The following PTPRD variants were observed in gnomAD, a reference collection of about 807,000 sequenced individuals.
The protein encoded by PTPRD is receptor-type tyrosine-protein phosphatase delta.
A neutral mutation model predicts 214.5 loss-of-function variants in PTPRD; 34 were observed. The ratio of observed to expected loss-of-function variants is 0.16; its 90% CI spans 0.12 to 0.21. The LOEUF (loss-of-function observed/expected upper bound fraction) is 0.21. Among genes scored for constraint, PTPRD ranks in the 10% least tolerant of loss-of-function variants. PTPRD has a pLI of 1.00. For synonymous variants in PTPRD, 1,128 were observed against 845.7 expected, an observed-to-expected ratio of 1.33 and a Z score of -5.79; for missense variants, 2,545 against 2,398.7, an observed-to-expected ratio of 1.06 and a Z score of -1.27.
At chr9:9,309,788 C>A (rs774702177) in intron 9 of PTPRD, among the ~76,000 whole-genome samples, 1 of 152,138 alleles carries the variant, frequency 6.6e-6, no homozygotes. Context: ...ATTTCACTAT[C>A]GTATTTGTTA....
intron 9 of PTPRD, among the ~76,000 whole-genome samples, chr9:9,249,487 G>C (rs1217684486): frequency 6.6e-6 from 1 of 152,042 alleles, no homozygotes; most frequent in Non-Finnish European, 1.5e-5. Flanking sequence ...AAAAAAATTT[G>C]TCTTGACCAA....
At chr9:8,431,636 G>A (rs936451118) in intron 35 of PTPRD, among the ~76,000 whole-genome samples, 3 of 152,268 alleles carry the variant, frequency 2.0e-5, no homozygotes, top group Middle Eastern at 3.4e-3. Context: ...GTCATGTTCT[G>A]TAATACATTA....
chr9:9,468,528 AT>A (rs1161201195), intron 8 of PTPRD, among the ~76,000 whole-genome samples: 1 of 151,940 alleles, frequency 6.6e-6, no homozygotes, highest in African/African-American at 2.4e-5. Flanking sequence ...CTTAGCTACT[AT>A]TCTTTTTCTA....
chr9:10,271,673 G>T (rs1346644465), intron 3 of PTPRD, among the ~76,000 whole-genome samples: 1 of 151,730 alleles, frequency 6.6e-6, no homozygotes, highest in Non-Finnish European at 1.5e-5. Context: ...CTCCTGAGTA[G>T]CTGGCATTAT....
chr9:9,296,103 C>T (rs1952925204), intron 9 of PTPRD, among the ~76,000 whole-genome samples: 1 of 151,640 alleles, frequency 6.6e-6, no homozygotes, highest in African/African-American at 2.4e-5. Flanking sequence ...ATTAAACTAC[C>T]AATCATGGCC....
At chr9:8,718,653 T>C (rs2098461629) in intron 12 of PTPRD, among the ~76,000 whole-genome samples, 1 of 152,192 alleles carries the variant, frequency 6.6e-6, no homozygotes, top group Admixed American at 6.5e-5. Flanking sequence ...CCGCCTTCTC[T>C]ATACAATTCT....
chr9:8,698,281 G>A (rs145541995), intron 12 of PTPRD, among the ~76,000 whole-genome samples: 3 of 152,304 alleles, frequency 2.0e-5, no homozygotes, highest in African/African-American at 7.2e-5. Flanking sequence ...TCTAACTGCT[G>A]TAGCTTTTAA....
At chr9:8,812,364 T>A (rs12352212) in intron 11 of PTPRD, among the ~76,000 whole-genome samples, 1 of 152,198 alleles carries the variant, frequency 6.6e-6, no homozygotes, top group East Asian at 1.9e-4. Flanking sequence ...CATTCTTGGA[T>A]AATAACATTA....
intron 2 of PTPRD, among the ~76,000 whole-genome samples, chr9:10,598,206 CT>C (rs148693237): frequency 0.015 from 2,257 of 151,802 alleles, 52 homozygotes; most frequent in African/African-American, 0.051. Flanking sequence ...TTTGATTTTC[CT>C]TAGATATTAC....
intron 2 of PTPRD, among the ~76,000 whole-genome samples, chr9:10,607,382 T>C (rs2079715035): frequency 6.6e-6 from 1 of 151,908 alleles, no homozygotes; most frequent in Non-Finnish European, 1.5e-5. Flanking sequence ...TTGATTATTA[T>C]ACATACACTT....
chr9:10,445,075 A>G (rs112223988), intron 2 of PTPRD, among the ~76,000 whole-genome samples: 42 of 152,084 alleles, frequency 2.8e-4, no homozygotes, highest in African/African-American at 9.9e-4. Flanking sequence ...TTCAAACATT[A>G]TGGATAAATA....
intron 9 of PTPRD, among the ~76,000 whole-genome samples, chr9:9,255,674 C>A (rs892424871): frequency 6.6e-6 from 1 of 151,984 alleles, no homozygotes; most frequent in Admixed American, 6.6e-5. Context: ...ACAGATACTA[C>A]AAAATACTGC....
intron 7 of PTPRD, among the ~76,000 whole-genome samples, chr9:9,622,402 T>G (rs115861125): frequency 6.6e-6 from 1 of 152,320 alleles, no homozygotes; most frequent in African/African-American, 2.4e-5. Flanking sequence ...GCTAAGCCCT[T>G]GATTAATATA....
intron 2 of PTPRD, among the ~76,000 whole-genome samples, chr9:10,608,942 C>G (rs1168807538): frequency 6.6e-6 from 1 of 151,978 alleles, no homozygotes; most frequent in South Asian, 2.1e-4. Context: ...AGTGAACCGA[C>G]AGTAGTGGTA....
At chr9:9,017,740 A>G (rs2154367078) in intron 11 of PTPRD, among the ~76,000 whole-genome samples, 1 of 152,292 alleles carries the variant, frequency 6.6e-6, no homozygotes. Context: ...TTTCTTTTTC[A>G]ATGAAATAGA....
intron 3 of PTPRD, among the ~76,000 whole-genome samples, chr9:10,079,334 G>C (rs2098191753): frequency 6.6e-6 from 1 of 152,058 alleles, no homozygotes; most frequent in Admixed American, 6.6e-5. Context: ...CACGTATGCA[G>C]GGATTTCATT....
At chr9:9,735,316 C>T (rs370643905) in intron 6 of PTPRD, among the ~76,000 whole-genome samples, 2 of 151,966 alleles carry the variant, frequency 1.3e-5, no homozygotes, top group East Asian at 3.9e-4. Flanking sequence ...AACTTCTAAC[C>T]ATTATTATTA....
intron 3 of PTPRD, among the ~76,000 whole-genome samples, chr9:10,147,108 C>T (rs1460045463): frequency 6.6e-6 from 1 of 152,106 alleles, no homozygotes; most frequent in African/African-American, 2.4e-5. Flanking sequence ...ACAGGGGACA[C>T]TATAAGGGAT....
chr9:8,958,633 T>G (rs1043919560), intron 11 of PTPRD: 1 of 151,910 alleles, frequency 6.6e-6, no homozygotes, highest in Non-Finnish European at 1.5e-5. Context: ...AACGGACACA[T>G]AGTTGGATTT....
Sources: gnomAD v4.1 joint callset for allele counts (sites outside exome capture counted in the v4.1 genomes callset) on GRCh38, gnomAD v4.1.1 for gene constraint, MANE v1.5 for transcripts, NCBI Gene and HGNC (gene_info 2026-07-23, HGNC 2026-07-21) for gene names.